Variants in CTNND2 observed in about 807,000 individuals in gnomAD.
CTNND2 encodes catenin delta-2.
Under a neutral mutation model 144.4 loss-of-function variants are expected in CTNND2, and 22 were observed. That is an observed-to-expected ratio of 0.15 (90% CI 0.11 to 0.22). CTNND2 has a LOEUF of 0.22. CTNND2 is among the 10% of genes least tolerant of loss of function. The pLI is 1.00. For synonymous variants in CTNND2, 751 were observed against 695.6 expected (o/e 1.08, Z -1.25); for missense variants, 1,353 against 1,618.8 (o/e 0.84, Z 2.82).
In CTNND2 at chr5:11,264,368, T is replaced by G. The variant is rs554834278; in HGVS notation, c.1629-27545A>C. Among the ~76,000 whole-genome samples, 7 of 152,338 alleles carry G rather than the reference T, an allele frequency of 4.6e-5. No individual in the cohort carries two copies. The East Asian group carries it at 1.3e-3, about 29-fold the overall frequency. On this transcript the variant is annotated intron_variant, in intron 9 of 21. Transcript: ENST00000304623. ...GGCATGGCTATGTTCCAATAAAACT[T>G]TATTTTCAGAAACAAACAGTGGGCC...
chr5:11,049,899 T>C (rs1053860618), intron 16 of CTNND2, among the ~76,000 whole-genome samples: 3 of 152,246 alleles, frequency 2.0e-5, no homozygotes, highest in African/African-American at 7.2e-5. Context: ...AGGGAAATAC[T>C]CTTCTGTCCA....
chr5:11,559,608 G>A (rs1310896594), intron 3 of CTNND2, among the ~76,000 whole-genome samples: 1 of 152,120 alleles, frequency 6.6e-6, no homozygotes, highest in African/African-American at 2.4e-5. Context: ...CTTCTGAGAC[G>A]CTTCTCCCCA....
intron 12 of CTNND2, among the ~76,000 whole-genome samples, chr5:11,128,359 C>T (rs1212316571): frequency 6.6e-6 from 1 of 152,098 alleles, no homozygotes; most frequent in African/African-American, 2.4e-5. Flanking sequence ...TAACAACCTG[C>T]AGTAGCTTGG....
chr5:11,047,991 G>A lies in CTNND2; in HGVS notation c.2789-25012C>T, dbSNP rs551866799. Among the ~76,000 whole-genome samples, 4 of 152,266 alleles carry A rather than the reference G, an allele frequency of 2.6e-5. No individual in the cohort carries two copies. The South Asian group carries it at 8.3e-4, about 32-fold the overall frequency. ...ATTCAGGGGTTCCACCATTTAGGGAGGCTTTCCTAAATCGCTCCTCCCAAA... is the reference window on the plus strand; with the variant it reads ...ATTCAGGGGTTCCACCATTTAGGGAAGCTTTCCTAAATCGCTCCTCCCAAA... On this transcript the variant is annotated intron_variant, in intron 16 of 21. Transcript: ENST00000304623.
At chr5:11,124,266 A>G (rs1754436025) in intron 12 of CTNND2, among the ~76,000 whole-genome samples, 1 of 152,108 alleles carries the variant, frequency 6.6e-6, no homozygotes, top group African/African-American at 2.4e-5. Context: ...AGCCAAATCG[A>G]TTATCAAGTA....
chr5:11,148,497 T>C (rs76301105), intron 12 of CTNND2, among the ~76,000 whole-genome samples: 1,858 of 152,306 alleles, frequency 0.012, 19 homozygotes, highest in Non-Finnish European at 0.019. Flanking sequence ...TGGTGGTCTA[T>C]GGCACTCCTT....
At chr5:11,042,508 T>G (rs1420407727) in intron 16 of CTNND2, among the ~76,000 whole-genome samples, 1 of 152,250 alleles carries the variant, frequency 6.6e-6, no homozygotes, top group Non-Finnish European at 1.5e-5. Flanking sequence ...GAGATGTTTA[T>G]GGATGAATTC....
intron 7 of CTNND2, among the ~76,000 whole-genome samples, chr5:11,366,760 T>C (rs1245141590): frequency 6.6e-6 from 1 of 152,150 alleles, no homozygotes; most frequent in African/African-American, 2.4e-5. Flanking sequence ...GAATTGTTAC[T>C]TTATCACTAT....
Position 11,159,679 on chromosome 5 carries a change from C to A in CTNND2, c.2056G>T (p.Val686Leu), listed in dbSNP as rs776063910. The A allele has an allele frequency of 2.5e-6, 4 of 1,613,430 alleles. No individual in the cohort carries two copies. Among genetic ancestry groups the A allele is most frequent in the South Asian group, 1.1e-5 (1 of 90,870 alleles). The change falls in exon 12 of 22, where the codon GTG becomes TTG. Residue 686 changes from valine (V) to leucine (L), a missense_variant. Transcript: ENST00000304623. ...QDALAVLTNA[V>L]IIPHSGWENS... ...TCCCAGCCTGAGTGGGGGATAATCA[C>A]CGCGTTGGTCAGTACTGCTAGGGCA...
intron 9 of CTNND2, among the ~76,000 whole-genome samples, chr5:11,297,960 T>C (rs1213753859): frequency 6.6e-6 from 1 of 152,172 alleles, no homozygotes; most frequent in Non-Finnish European, 1.5e-5. Flanking sequence ...ATTGGGCTAA[T>C]AGAGTACAAC....
chr5:11,445,762 G>A (rs1176101893), intron 3 of CTNND2, among the ~76,000 whole-genome samples: 1 of 152,254 alleles, frequency 6.6e-6, no homozygotes, highest in Non-Finnish European at 1.5e-5. Flanking sequence ...GAAGTCAGTA[G>A]TGAGTATTCT....
chr5:11,389,492 G>A (rs998928891), intron 6 of CTNND2, among the ~76,000 whole-genome samples: 1 of 151,908 alleles, frequency 6.6e-6, no homozygotes, highest in East Asian at 1.9e-4. Context: ...ATTACATGGT[G>A]TGTGTGTGTG....
At chr5:11,194,740 T>C (rs1454585274) in intron 11 of CTNND2, among the ~76,000 whole-genome samples, 4 of 152,182 alleles carry the variant, frequency 2.6e-5, no homozygotes, top group Non-Finnish European at 4.4e-5. Context: ...AGATAATTCA[T>C]GCCAAAGAGA....
intron 8 of CTNND2, among the ~76,000 whole-genome samples, chr5:11,360,001 G>C (rs1756284379): frequency 6.6e-6 from 1 of 152,174 alleles, no homozygotes. Flanking sequence ...CTATATGCAT[G>C]CTCAGGAGGT....
intron 1 of CTNND2, among the ~76,000 whole-genome samples, chr5:11,898,951 C>T (rs1362905742): frequency 6.6e-6 from 1 of 152,158 alleles, no homozygotes; most frequent in Non-Finnish European, 1.5e-5. Context: ...AATGAAGCCC[C>T]TCTGGGTTTG....
At chr5:11,478,221 CCA>C (rs1767936403) in intron 3 of CTNND2, among the ~76,000 whole-genome samples, 1 of 152,116 alleles carries the variant, frequency 6.6e-6, no homozygotes, top group Non-Finnish European at 1.5e-5. Context: ...AAAATTTCTC[CCA>C]CTTTATCAAT....
At chr5:11,021,451 T>C (rs557723588) in intron 17 of CTNND2, among the ~76,000 whole-genome samples, 9 of 152,300 alleles carry the variant, frequency 5.9e-5, no homozygotes, top group East Asian at 3.9e-4. Flanking sequence ...CAAAGGTCTA[T>C]TGAAGCTAAA....
chr5:11,767,158 G>GA (rs1789643230), intron 1 of CTNND2, among the ~76,000 whole-genome samples: 1 of 152,204 alleles, frequency 6.6e-6, no homozygotes, highest in African/African-American at 2.4e-5. Context: ...ATTGTAACAA[G>GA]ATGCTAAGCA....
chr5:11,815,623 T>C (rs1199619829), intron 1 of CTNND2, among the ~76,000 whole-genome samples: 1 of 152,192 alleles, frequency 6.6e-6, no homozygotes, highest in Non-Finnish European at 1.5e-5. Context: ...ACCAGTGGTA[T>C]TTCATGATAG....
Sources: gnomAD v4.1 joint callset for allele counts (sites outside exome capture counted in the v4.1 genomes callset) on GRCh38, gnomAD v4.1.1 for gene constraint, MANE v1.5 for transcripts, NCBI Gene and HGNC (gene_info 2026-07-23, HGNC 2026-07-21) for gene names.